The following STXBP4 variants were observed in gnomAD, a reference collection of about 807,000 sequenced individuals.
The protein encoded by STXBP4 is syntaxin binding protein 4.
In STXBP4, 55 loss-of-function variants were observed where a neutral mutation model predicts 76.1. The ratio of observed to expected loss-of-function variants is 0.72; its 90% CI spans 0.58 to 0.91. The LOEUF is 0.91. STXBP4 is among the 40% of genes least tolerant of loss of function. The pLI is 0.00. For missense variants in STXBP4, 618 were observed against 636.9 expected (o/e 0.97, Z 0.32); for synonymous variants, 201 against 220.2 (o/e 0.91, Z 0.77).
At chr17:55,132,384 T>C (rs1330628538) in intron 16 of STXBP4, among the ~76,000 whole-genome samples, 2 of 152,070 alleles carry the variant, frequency 1.3e-5, no homozygotes, top group East Asian at 3.9e-4. Context: ...AGAGACGGGG[T>C]TTCACCATGT....
intron 17 of STXBP4, among the ~76,000 whole-genome samples, chr17:55,153,663 G>T (rs2080240672): frequency 1.3e-5 from 2 of 152,240 alleles, no homozygotes; most frequent in Admixed American, 1.3e-4. Flanking sequence ...ATTAAATTAA[G>T]TGAACACCTG....
chr17:55,206,057 A>T, the STXBP4 span, among the ~76,000 whole-genome samples: 1 of 152,180 alleles, frequency 6.6e-6, no homozygotes, highest in South Asian at 2.1e-4. Flanking sequence ...ACTTATTATC[A>T]TAAACTCTAT....
intron 13 of STXBP4, among the ~76,000 whole-genome samples, chr17:55,074,003 A>C (rs2144879342): frequency 6.6e-6 from 1 of 152,286 alleles, no homozygotes; most frequent in African/African-American, 2.4e-5. Flanking sequence ...AAAAATCTAT[A>C]ATAGTCATAT....
intron 17 of STXBP4, among the ~76,000 whole-genome samples, chr17:55,143,781 G>T (rs1163441776): frequency 6.6e-6 from 1 of 152,152 alleles, no homozygotes. Flanking sequence ...TGTTTTGGAA[G>T]TCCATCAATT....
At chr17:55,009,577 G>A (rs2078069715) in intron 8 of STXBP4, among the ~76,000 whole-genome samples, 1 of 152,006 alleles carries the variant, frequency 6.6e-6, no homozygotes, top group Admixed American at 6.6e-5. Context: ...CATTAAATCT[G>A]AATTCCAGTT....
intron 8 of STXBP4, among the ~76,000 whole-genome samples, chr17:55,025,787 G>C (rs565383627): frequency 6.6e-6 from 1 of 152,230 alleles, no homozygotes; most frequent in South Asian, 2.1e-4. Context: ...TTCTAGCCAG[G>C]ATAATTAGAC....
chr17:55,195,499 T>C, the STXBP4 span, among the ~76,000 whole-genome samples: 1 of 152,214 alleles, frequency 6.6e-6, no homozygotes, highest in African/African-American at 2.4e-5. Context: ...TAGACTAGAG[T>C]GCAGTGGTGT....
intron 7 of STXBP4, among the ~76,000 whole-genome samples, chr17:55,001,853 C>T (rs2077923850): frequency 6.6e-6 from 1 of 152,088 alleles, no homozygotes. Flanking sequence ...AGGATGGTCT[C>T]GATCTCCTGA....
chr17:55,065,345 G>A (rs140260000), intron 12 of STXBP4, among the ~76,000 whole-genome samples: 1 of 151,898 alleles, frequency 6.6e-6, no homozygotes, highest in East Asian at 1.9e-4. Context: ...TAGAATTCTT[G>A]GTCAAATTCC....
At position 55,072,975 on chromosome 17, in the gene STXBP4, G is replaced by T. The variant is rs374285929; in HGVS notation, c.1087G>T (p.Ala363Ser). The change falls in exon 13 of 18, where the codon GCA (alanine) becomes TCA (serine). Residue 363 changes from alanine (A) to serine (S), a missense_variant. By Grantham distance (99) the Ala-to-Ser change is moderately conservative (BLOSUM62 1). Transcript: ENST00000376352. ...TCTTGCTGAAGCTGCTCAGAGACAG[G>T]CACATGGAATGGAAATGGACTATGA... ...IHLAEAAQRQAHGMEMDYEEV... is the reference protein window; with the variant it reads ...IHLAEAAQRQSHGMEMDYEEV... 6.8e-6 allele frequency: 11 copies of T among 1,614,000 alleles called. No individual in the cohort carries two copies. The highest frequency in any genetic ancestry group is 1.7e-5 in the Admixed American group (1 of 60,012).
chr17:55,075,321 C>G (rs571984878), intron 13 of STXBP4, among the ~76,000 whole-genome samples: 3 of 152,020 alleles, frequency 2.0e-5, no homozygotes, highest in Non-Finnish European at 4.4e-5. Flanking sequence ...TTTCTTCACT[C>G]GACATTTTGT....
chr17:55,174,530 A>G (rs2080421851), downstream of STXBP4, among the ~76,000 whole-genome samples: 1 of 152,092 alleles, frequency 6.6e-6, no homozygotes, highest in Non-Finnish European at 1.5e-5. Flanking sequence ...CCATTTTTTT[A>G]AACTGGGTTG....
At chr17:55,187,103 G>A in the STXBP4 span, among the ~76,000 whole-genome samples, 1 of 152,214 alleles carries the variant, frequency 6.6e-6, no homozygotes, top group African/African-American at 2.4e-5. Context: ...GGCGTCTGCT[G>A]AGGTTTCTGC....
At chr17:55,089,547 G>T (rs1823050750) in intron 16 of STXBP4, among the ~76,000 whole-genome samples, 1 of 152,106 alleles carries the variant, frequency 6.6e-6, no homozygotes, top group African/African-American at 2.4e-5. Context: ...AACAGAATAG[G>T]CATTTTTAAT....
In STXBP4 at chr17:55,170,016, T is replaced by A. The variant is rs893765458; in HGVS notation, c.*10105T>A. ...AGATACAATAAAACCAAAGTATTTT[T>A]AAAACACAGTAATTATGTTAGTGCA... On this transcript the variant is annotated 3_prime_UTR_variant, in exon 18 of 18. Transcript: ENST00000376352. 1.8e-4 allele frequency: 28 copies of A among 152,214 alleles called. No individual in the cohort carries two copies. Among genetic ancestry groups the A allele is most frequent in the Non-Finnish European group, 3.2e-4 (22 of 68,042 alleles). 9.4% of individuals were successfully genotyped at this position (152,214 alleles called of 1,614,324 possible).
At chr17:54,987,936 T>C (rs1473147522) in intron 3 of STXBP4, among the ~76,000 whole-genome samples, 1 of 152,220 alleles carries the variant, frequency 6.6e-6, no homozygotes, top group African/African-American at 2.4e-5. Flanking sequence ...AACTTGTAAT[T>C]CTCTTATTAT....
intron 17 of STXBP4, among the ~76,000 whole-genome samples, chr17:55,148,734 A>G (rs1252347607): frequency 4.0e-5 from 6 of 151,814 alleles, no homozygotes; most frequent in South Asian, 2.1e-4. Flanking sequence ...AGGCGGGGCC[A>G]TGTTGGCTAG....
the STXBP4 span, among the ~76,000 whole-genome samples, chr17:55,210,896 A>G: frequency 6.6e-6 from 1 of 152,242 alleles, no homozygotes. Flanking sequence ...ATAGTCAGGC[A>G]TAAATCATCA....
chr17:55,030,081 G>A (rs2078480008), intron 8 of STXBP4, among the ~76,000 whole-genome samples: 2 of 152,148 alleles, frequency 1.3e-5, no homozygotes, highest in South Asian at 2.1e-4. Flanking sequence ...TGTTAGTTAA[G>A]ATTAGATTTT....
Sources: allele counts gnomAD v4.1 joint callset (sites outside exome capture counted in the v4.1 genomes callset), GRCh38; gene constraint gnomAD v4.1.1; transcripts MANE v1.5; gene names NCBI Gene and HGNC (gene_info 2026-07-23, HGNC 2026-07-21).